Variants in CCSER1 observed in about 807,000 individuals in gnomAD.
CCSER1 encodes the protein serine-rich coiled-coil domain-containing protein 1.
A neutral mutation model predicts 82.0 loss-of-function variants in CCSER1; 41 were observed. The ratio of observed to expected loss-of-function variants is 0.50; its 90% CI spans 0.39 to 0.65. The LOEUF is 0.65. CCSER1 is among the 30% of genes least tolerant of loss of function. The pLI, the probability that CCSER1 is intolerant of heterozygous loss-of-function variation, is 0.00. For missense variants in CCSER1, 1,119 were observed against 1,064.2 expected (o/e 1.05, Z -0.72); for synonymous variants, 414 against 383.9 (o/e 1.08, Z -0.92).
chr4:90,625,579 T>C (rs572487626), intron 5 of CCSER1, among the ~76,000 whole-genome samples: 32 of 152,350 alleles, frequency 2.1e-4, no homozygotes, highest in Non-Finnish European at 1.2e-4. Context: ...TTGATTTGTT[T>C]CTCATATGTG....
chr4:90,933,010 A>AAGAAAG (rs1277087569), intron 9 of CCSER1, among the ~76,000 whole-genome samples: 1 of 82,842 alleles, frequency 1.2e-5, no homozygotes. Context: ...GAAAGAAAGA[A>AAGAAAG]AGAAAGAAAG....
chr4:91,182,714 T>C (rs529486412), intron 10 of CCSER1, among the ~76,000 whole-genome samples: 1 of 152,308 alleles, frequency 6.6e-6, no homozygotes, highest in African/African-American at 2.4e-5. Context: ...AAGATGACAC[T>C]TAACACAGGC....
At chr4:90,685,539 T>C (rs975130305) in intron 6 of CCSER1, among the ~76,000 whole-genome samples, 1 of 152,130 alleles carries the variant, frequency 6.6e-6, no homozygotes, top group African/African-American at 2.4e-5. Flanking sequence ...TTAAAAAATG[T>C]CCATGCTCAC....
intron 6 of CCSER1, among the ~76,000 whole-genome samples, chr4:90,630,099 A>C (rs1415886546): frequency 3.9e-5 from 6 of 151,900 alleles, no homozygotes; most frequent in Admixed American, 2.0e-4. Flanking sequence ...GCCTGTTGTT[A>C]AATATTGACT....
intron 10 of CCSER1, among the ~76,000 whole-genome samples, chr4:91,515,875 T>C (rs555690242): frequency 6.6e-6 from 1 of 151,796 alleles, no homozygotes; most frequent in South Asian, 2.1e-4. Context: ...TTTTTTTTTT[T>C]TTTTTTGACT....
At chr4:90,411,239 A>C (rs550028817) in intron 4 of CCSER1, among the ~76,000 whole-genome samples, 71 of 152,296 alleles carry the variant, frequency 4.7e-4, no homozygotes, top group Middle Eastern at 3.4e-3. Flanking sequence ...ATTCCAATCA[A>C]TAGAAAAAGA....
chr4:91,372,633 AACTT>A (rs2149326238), intron 10 of CCSER1, among the ~76,000 whole-genome samples: 1 of 152,250 alleles, frequency 6.6e-6, no homozygotes, highest in South Asian at 2.1e-4. Context: ...ATCACATAAA[AACTT>A]ACAGAAGTTA....
chr4:90,657,911 C>T (rs547368584), intron 6 of CCSER1, among the ~76,000 whole-genome samples: 1 of 152,308 alleles, frequency 6.6e-6, no homozygotes, highest in African/African-American at 2.4e-5. Flanking sequence ...CAAGACCAAC[C>T]TTGCCAACAT....
chr4:90,223,677 T>C (rs76345045), intron 1 of CCSER1, among the ~76,000 whole-genome samples: 1,817 of 152,332 alleles, frequency 0.012, 44 homozygotes, highest in African/African-American at 0.041. Flanking sequence ...GAAGGGAATG[T>C]GTTAAATGTA....
intron 7 of CCSER1, among the ~76,000 whole-genome samples, chr4:90,737,378 G>C (rs990974700): frequency 1.3e-5 from 2 of 151,996 alleles, no homozygotes; most frequent in East Asian, 3.9e-4. Context: ...GGATATCTTT[G>C]CTGGATAAAC....
At chr4:90,197,808 G>A (rs1488880161) in intron 1 of CCSER1, among the ~76,000 whole-genome samples, 1 of 151,776 alleles carries the variant, frequency 6.6e-6, no homozygotes, top group Non-Finnish European at 1.5e-5. Flanking sequence ...GTGGGTGGAG[G>A]TGGGGACAGT....
intron 10 of CCSER1, among the ~76,000 whole-genome samples, chr4:91,274,965 G>T (rs1036880241): frequency 3.3e-5 from 5 of 152,144 alleles, no homozygotes; most frequent in African/African-American, 1.2e-4. Context: ...AAATAGCTGG[G>T]AGTGGTGGCA....
chr4:91,079,904 C>A (rs1722503527), intron 9 of CCSER1, among the ~76,000 whole-genome samples: 1 of 152,260 alleles, frequency 6.6e-6, no homozygotes, highest in Non-Finnish European at 1.5e-5. Context: ...CAGGAGCACC[C>A]AGATTCATGA....
chr4:90,468,548 A>G, intron 5 of CCSER1, 194 bp downstream of exon 5: 2 of 463,624 alleles, frequency 4.3e-6, no homozygotes, highest in Non-Finnish European at 7.3e-6. Context: ...TCTTTGAACC[A>G]TGTGTCATTC....
chr4:90,424,400 T>C (rs537150435), intron 4 of CCSER1, among the ~76,000 whole-genome samples: 1 of 152,336 alleles, frequency 6.6e-6, no homozygotes, highest in African/African-American at 2.4e-5. Context: ...GTTTGCTTTT[T>C]TGTTTTATTT....
At chr4:91,542,471 T>C (rs1326816545) in intron 10 of CCSER1, among the ~76,000 whole-genome samples, 5 of 152,092 alleles carry the variant, frequency 3.3e-5, no homozygotes, top group African/African-American at 4.8e-5. Context: ...CCCAGCACCA[T>C]TTATTAAATA....
intron 10 of CCSER1, among the ~76,000 whole-genome samples, chr4:91,163,628 A>G (rs532681551): frequency 2.0e-5 from 3 of 152,148 alleles, no homozygotes; most frequent in Non-Finnish European, 4.4e-5. Flanking sequence ...TGTTGGGTAC[A>G]TATATATTTA....
At chr4:91,348,278 T>C (rs72879100) in intron 10 of CCSER1, among the ~76,000 whole-genome samples, 13,192 of 152,130 alleles carry the variant, frequency 0.087, 1,926 homozygotes, top group African/African-American at 0.3. Flanking sequence ...TGAGGGATTA[T>C]AGTAATTGAT....
chr4:90,916,765 CT>C (rs1159226533), intron 8 of CCSER1, among the ~76,000 whole-genome samples: 2 of 152,148 alleles, frequency 1.3e-5, no homozygotes, highest in African/African-American at 4.8e-5. Flanking sequence ...ATCTACTCAT[CT>C]GACAAAGGGC....
Sources: gnomAD v4.1 joint callset for allele counts (sites outside exome capture counted in the v4.1 genomes callset) on GRCh38, gnomAD v4.1.1 for gene constraint, MANE v1.5 for transcripts, NCBI Gene and HGNC (gene_info 2026-07-23, HGNC 2026-07-21) for gene names.